SIL1: variants seen among roughly 807,000 people sequenced by gnomAD.
SIL1 encodes the protein SIL1 nucleotide exchange factor.
SIL1 carries 40 observed loss-of-function variants against 49.1 expected under a neutral mutation model. The observed-to-expected ratio is 0.81, with a 90% CI of 0.63 to 1.06. SIL1 has a LOEUF of 1.06. SIL1 is among the 50% of genes least tolerant of loss of function. The pLI is 0.00. For missense variants in SIL1, 500 were observed against 572.6 expected, an observed-to-expected ratio of 0.87 and a Z score of 1.29; for synonymous variants, 253 against 250.8, an observed-to-expected ratio of 1.01 and a Z score of -0.08.
chr5:139,154,964 G>T (rs1751379809), intron 1 of SIL1, among the ~76,000 whole-genome samples: 1 of 152,172 alleles, frequency 6.6e-6, no homozygotes, highest in Admixed American at 6.5e-5. Context: ...TGAAAAACAA[G>T]ATTGAAATGC....
intron 1 of SIL1, chr5:139,196,649 C>G (rs1039888884): frequency 1.3e-5 from 2 of 152,208 alleles, no homozygotes; most frequent in African/African-American, 4.8e-5. Flanking sequence ...AGCAGAACGT[C>G]TCTTCTATTG....
intron 5 of SIL1, among the ~76,000 whole-genome samples, chr5:139,036,942 C>T (rs978821063): frequency 2.0e-5 from 3 of 151,986 alleles, no homozygotes; most frequent in Admixed American, 6.6e-5. Flanking sequence ...TTTCTTTATT[C>T]CTGATATTTC....
chr5:139,085,432 T>C (rs960432498), intron 3 of SIL1, among the ~76,000 whole-genome samples: 2 of 152,172 alleles, frequency 1.3e-5, no homozygotes, highest in Admixed American at 1.3e-4. Context: ...AGCAATTGTA[T>C]GATGCACTGA....
intron 7 of SIL1, among the ~76,000 whole-genome samples, chr5:138,978,209 C>A (rs1056898275): frequency 2.7e-5 from 4 of 148,426 alleles, no homozygotes; most frequent in African/African-American, 9.9e-5. Flanking sequence ...TAGTGCCCCC[C>A]GCAACTCTCC....
chr5:139,101,434 T>C (rs1307374702), intron 3 of SIL1, among the ~76,000 whole-genome samples: 1 of 152,252 alleles, frequency 6.6e-6, no homozygotes, highest in Admixed American at 6.5e-5. Flanking sequence ...CTTCAATGAC[T>C]ACCAACGTTG....
intron 1 of SIL1, among the ~76,000 whole-genome samples, chr5:139,152,252 T>C (rs1319919257): frequency 6.6e-6 from 1 of 152,262 alleles, no homozygotes; most frequent in Non-Finnish European, 1.5e-5. Flanking sequence ...CAGGCTTTAA[T>C]GCAACGTCAA....
Position 139,135,757 on chromosome 5 carries a change from T to C in SIL1, c.-10-7904A>G, listed in dbSNP as rs115710518. On this transcript the variant is annotated intron_variant, in intron 1 of 9. Transcript: ENST00000394817. Reference sequence around the variant, plus strand: ...AATCACAGCGACAAAAGTTAGTGCATCCAATGAAAAGAAATCACATGACAC... The same window carrying C: ...AATCACAGCGACAAAAGTTAGTGCACCCAATGAAAAGAAATCACATGACAC... 8.7e-3 allele frequency among the ~76,000 whole-genome samples: 1,264 copies of C among 144,610 alleles called. 23 individuals carry two copies. Among genetic ancestry groups the C allele is most frequent in the African/African-American group, 0.031 (1,191 of 38,912 alleles). 94.9% of individuals were successfully genotyped at this position (144,610 alleles called of 152,430 possible).
At chr5:139,108,534 C>T (rs1770775569) in intron 3 of SIL1, among the ~76,000 whole-genome samples, 1 of 152,170 alleles carries the variant, frequency 6.6e-6, no homozygotes, top group African/African-American at 2.4e-5. Context: ...AGGGACAGGG[C>T]TGTGGGAGGC....
chr5:139,109,123 T>C (rs1292454257), intron 3 of SIL1, among the ~76,000 whole-genome samples: 1 of 152,172 alleles, frequency 6.6e-6, no homozygotes, highest in Non-Finnish European at 1.5e-5. Flanking sequence ...GTGCCTCCAT[T>C]ACTGCCAGCT....
chr5:138,960,612 T>C (rs1766999367), intron 7 of SIL1, among the ~76,000 whole-genome samples: 1 of 151,274 alleles, frequency 6.6e-6, no homozygotes, highest in Non-Finnish European at 1.5e-5. Flanking sequence ...TTTGTTTTGT[T>C]TTTGTTTTTG....
chr5:139,032,927 T>C (rs1038941338), intron 5 of SIL1: 3 of 152,230 alleles, frequency 2.0e-5, no homozygotes, highest in African/African-American at 4.8e-5. Flanking sequence ...TCATTCTTGA[T>C]ACAGGTAATT....
intron 1 of SIL1, among the ~76,000 whole-genome samples, chr5:139,170,057 CG>C (rs1022215611): frequency 2.0e-5 from 3 of 152,218 alleles, no homozygotes; most frequent in Non-Finnish European, 4.4e-5. Context: ...TTGGTGGAGA[CG>C]GGGTTTCGCT....
intron 3 of SIL1, among the ~76,000 whole-genome samples, chr5:139,120,130 G>A (rs1016580331): frequency 6.6e-5 from 10 of 152,250 alleles, no homozygotes; most frequent in African/African-American, 2.4e-4. Context: ...AGCAGTGGGG[G>A]CAGTGAGGAC....
At chr5:139,084,617 C>T (rs1770168178) in intron 3 of SIL1, among the ~76,000 whole-genome samples, 1 of 122,906 alleles carries the variant, frequency 8.1e-6, no homozygotes, top group Non-Finnish European at 1.7e-5. Context: ...GGGAATATCA[C>T]ACTCTGGGAA....
At chr5:138,964,652 A>G (rs1767096000) in intron 7 of SIL1, among the ~76,000 whole-genome samples, 1 of 152,162 alleles carries the variant, frequency 6.6e-6, no homozygotes, top group Admixed American at 6.5e-5. Flanking sequence ...TAATGTCAAA[A>G]CGTAAATGGT....
At chr5:139,128,568 A>C (rs1750800225) in intron 1 of SIL1, among the ~76,000 whole-genome samples, 1 of 151,896 alleles carries the variant, frequency 6.6e-6, no homozygotes, top group South Asian at 2.1e-4. Context: ...AAGACCACTT[A>C]AGCCCCAGAG....
intron 7 of SIL1, among the ~76,000 whole-genome samples, chr5:139,011,987 C>CG (rs2150420646): frequency 6.6e-6 from 1 of 152,228 alleles, no homozygotes; most frequent in Admixed American, 6.5e-5. Flanking sequence ...ATCTATACCC[C>CG]GACTCAGCCA....
At chr5:139,126,255 AAGT>A (rs1251079758) in intron 2 of SIL1, among the ~76,000 whole-genome samples, 5 of 152,236 alleles carry the variant, frequency 3.3e-5, no homozygotes, top group Non-Finnish European at 7.3e-5. Flanking sequence ...CTGTTGATGA[AAGT>A]CAGTATTAAC....
chr5:139,043,922 G>C (rs1769098879), intron 4 of SIL1, among the ~76,000 whole-genome samples: 1 of 152,198 alleles, frequency 6.6e-6, no homozygotes, highest in African/African-American at 2.4e-5. Context: ...AGATTTCAGA[G>C]GTGAGGAGGA....
Sources: gnomAD v4.1 joint callset for allele counts (sites outside exome capture counted in the v4.1 genomes callset) on GRCh38, gnomAD v4.1.1 for gene constraint, MANE v1.5 for transcripts, NCBI Gene and HGNC (gene_info 2026-07-23, HGNC 2026-07-21) for gene names.